The following WDR70 variants were observed in gnomAD, a reference collection of about 807,000 sequenced individuals.
The protein encoded by WDR70 is WD repeat domain 70, also known as WD repeat-containing protein 70.
In WDR70, 53 loss-of-function variants were observed where a neutral mutation model predicts 88.6. That is an observed-to-expected ratio of 0.60 (90% CI 0.48 to 0.75). The LOEUF is 0.75. Among genes scored for constraint, WDR70 ranks in the 30% least tolerant of loss-of-function variants. WDR70 has a pLI of 0.00. For missense variants in WDR70, 610 were observed against 823.2 expected, an observed-to-expected ratio of 0.74 and a Z score of 3.17; for synonymous variants, 280 against 270.0, an observed-to-expected ratio of 1.04 and a Z score of -0.36.
chr5:37,411,809 C>A lies in WDR70; in HGVS notation c.492+15239C>A, dbSNP rs140223851. ...ACTAGTAGGTACGTTATAAACCACA[C>A]TGTCCCAACTGTGATTAATTTTTTT... On this transcript the variant is annotated intron_variant, in intron 5 of 17. Transcript: ENST00000265107. Among the ~76,000 whole-genome samples, 267 of 152,276 alleles carry A rather than the reference C, an allele frequency of 1.8e-3. 1 individual carries two copies. The highest frequency in any genetic ancestry group is 1.7e-3 in the Non-Finnish European group (115 of 68,024).
At chr5:37,745,089 A>G (rs1332255821) in intron 17 of WDR70, among the ~76,000 whole-genome samples, 1 of 152,202 alleles carries the variant, frequency 6.6e-6, no homozygotes, top group Non-Finnish European at 1.5e-5. Context: ...CAGAACCTCT[A>G]CAAGCCAGAA....
intron 9 of WDR70, among the ~76,000 whole-genome samples, chr5:37,571,695 TA>T (rs1056397408): frequency 2.0e-5 from 3 of 152,176 alleles, no homozygotes; most frequent in Non-Finnish European, 4.4e-5. Context: ...AGATGCCTTA[TA>T]TTTTTGGTTG....
At chr5:37,403,565 A>C (rs1191988421) in intron 5 of WDR70, among the ~76,000 whole-genome samples, 1 of 152,252 alleles carries the variant, frequency 6.6e-6, no homozygotes, top group East Asian at 1.9e-4. Context: ...TTTATTGTTC[A>C]TAATCACTGT....
intron 10 of WDR70, among the ~76,000 whole-genome samples, chr5:37,634,508 G>A (rs1335084230): frequency 1.3e-5 from 2 of 152,118 alleles, no homozygotes; most frequent in Admixed American, 6.5e-5. Context: ...GGAGTGGCGT[G>A]ATATGGAGAG....
chr5:37,617,211 C>T (rs1744369919), intron 10 of WDR70, among the ~76,000 whole-genome samples: 1 of 152,136 alleles, frequency 6.6e-6, no homozygotes, highest in African/African-American at 2.4e-5. Flanking sequence ...TAACAACTCG[C>T]CCAAGGCCAT....
At chr5:37,432,227 T>A (rs1356993951) in intron 5 of WDR70, among the ~76,000 whole-genome samples, 1 of 151,360 alleles carries the variant, frequency 6.6e-6, no homozygotes, top group Non-Finnish European at 1.5e-5. Context: ...TTATTTTCTG[T>A]TTATTTGATA....
intron 7 of WDR70, among the ~76,000 whole-genome samples, chr5:37,446,993 G>A (rs1028936548): frequency 2.6e-5 from 4 of 152,160 alleles, no homozygotes; most frequent in African/African-American, 9.7e-5. Context: ...TATCATCAGA[G>A]TGAACAGGCA....
rs558412161 is a variant in WDR70, at chr5:37,381,780, G to A, written c.175+95G>A. The A allele has an allele frequency of 3.1e-3, 4,044 of 1,305,082 alleles. 25 individuals carry two copies. Among genetic ancestry groups the A allele is most frequent in the Middle Eastern group, 0.017 (85 of 5,022 alleles). 80.8% of individuals were successfully genotyped at this position (1,305,082 alleles called of 1,614,324 possible). On this transcript the variant is annotated intron_variant, in intron 3 of 17. Coordinates refer to ENST00000265107, the MANE Select transcript of WDR70 (RefSeq NM_018034.4). ...AAAGAGAAAAGAATGTTGGCTGGGC[G>A]CGGTGGCTCATGCCTGTAATCCCAG... is the stretch of plus-strand genomic sequence containing the variant.
chr5:37,427,767 A>C (rs1191548898), intron 5 of WDR70, among the ~76,000 whole-genome samples: 1 of 152,142 alleles, frequency 6.6e-6, no homozygotes, highest in East Asian at 1.9e-4. Flanking sequence ...CGCGCCTGTA[A>C]TCCCAGCTAC....
At chr5:37,416,275 G>T (rs1340387951) in intron 5 of WDR70, among the ~76,000 whole-genome samples, 1 of 152,222 alleles carries the variant, frequency 6.6e-6, no homozygotes, top group African/African-American at 2.4e-5. Context: ...TCGGGAGGCC[G>T]AGGCTGGCGG....
chr5:37,689,552 G>C (rs1746721299), intron 10 of WDR70, among the ~76,000 whole-genome samples: 1 of 152,218 alleles, frequency 6.6e-6, no homozygotes, highest in Admixed American at 6.5e-5. Context: ...CTCTGCTGGT[G>C]ATACTCAGGC....
chr5:37,738,958 C>T lies in WDR70; in HGVS notation c.1877+11913C>T, dbSNP rs946082333. 4.6e-5 allele frequency among the ~76,000 whole-genome samples: 7 copies of T among 152,286 alleles called. No homozygotes were observed. The East Asian group carries it at 1.3e-3, about 29-fold the overall frequency. On this transcript the variant is annotated intron_variant, in intron 17 of 17. Coordinates refer to ENST00000265107, the MANE Select transcript of WDR70 (RefSeq NM_018034.4). ...CAAAATAAAACAAAAAACCTTTTAGCCTTCCCTTGTTTGCTTATTTAATGA... is the reference window on the plus strand; with the variant it reads ...CAAAATAAAACAAAAAACCTTTTAGTCTTCCCTTGTTTGCTTATTTAATGA...
At chr5:37,563,504 C>A (rs1403642497) in intron 9 of WDR70, among the ~76,000 whole-genome samples, 3 of 56,218 alleles carry the variant, frequency 5.3e-5, no homozygotes, top group African/African-American at 1.0e-4. Context: ...TAGGGGCGGC[C>A]GGGCAGAGGC....
chr5:37,407,717 C>T (rs574436231), intron 5 of WDR70, among the ~76,000 whole-genome samples: 23 of 151,054 alleles, frequency 1.5e-4, no homozygotes, highest in East Asian at 3.9e-4. Flanking sequence ...TTTGTAGAAA[C>T]GGGGTCTTGC....
chr5:37,396,869 A>G (rs981854741), intron 5 of WDR70, among the ~76,000 whole-genome samples: 2 of 152,176 alleles, frequency 1.3e-5, no homozygotes, highest in Non-Finnish European at 2.9e-5. Context: ...AAAGGCCGGT[A>G]CAGTGGCTCA....
intron 13 of WDR70, 41 bp downstream of exon 13, chr5:37,703,128 A>T: frequency 2.5e-6 from 4 of 1,580,522 alleles, no homozygotes; most frequent in Non-Finnish European, 3.5e-6. Flanking sequence ...GAATACATAA[A>T]GTTTGCCTCT....
At chr5:37,418,495 A>G (rs79390881) in intron 5 of WDR70, among the ~76,000 whole-genome samples, 6,016 of 151,428 alleles carry the variant, frequency 0.04, 147 homozygotes, top group South Asian at 0.077. Context: ...AATTTTTTCT[A>G]TTTTTTAGTA....
intron 10 of WDR70, among the ~76,000 whole-genome samples, chr5:37,685,403 T>G (rs1746557593): frequency 6.6e-6 from 1 of 151,860 alleles, no homozygotes; most frequent in Non-Finnish European, 1.5e-5. Flanking sequence ...CCACTGGAGC[T>G]CTCCACTGGT....
At chr5:37,740,231 T>G (rs557195966) in intron 17 of WDR70, among the ~76,000 whole-genome samples, 1 of 152,204 alleles carries the variant, frequency 6.6e-6, no homozygotes, top group African/African-American at 2.4e-5. Context: ...GATAAAGTGG[T>G]GACTAAAGAA....
Sources: allele counts gnomAD v4.1 joint callset (sites outside exome capture counted in the v4.1 genomes callset), GRCh38; gene constraint gnomAD v4.1.1; transcripts MANE v1.5; gene names NCBI Gene and HGNC (gene_info 2026-07-23, HGNC 2026-07-21).